Variants in PDGFD observed in about 807,000 individuals in gnomAD.
The protein encoded by PDGFD is platelet derived growth factor D.
Under a neutral mutation model 44.7 loss-of-function variants are expected in PDGFD, and 30 were observed. The observed-to-expected ratio is 0.67, with a 90% confidence interval of 0.50 to 0.91. The LOEUF is 0.91. Among genes scored for constraint, PDGFD ranks in the 40% least tolerant of loss-of-function variants. PDGFD has a pLI of 0.00. For missense variants in PDGFD, 445 were observed against 457.8 expected, an observed-to-expected ratio of 0.97 and a Z score of 0.25; for synonymous variants, 173 against 168.4, an observed-to-expected ratio of 1.03 and a Z score of -0.21.
intron 1 of PDGFD, among the ~76,000 whole-genome samples, chr11:104,014,798 C>A (rs1036764020): frequency 6.6e-6 from 1 of 152,070 alleles, no homozygotes; most frequent in African/African-American, 2.4e-5. Flanking sequence ...TCCCTGGGAG[C>A]CCATATATTA....
intron 1 of PDGFD, among the ~76,000 whole-genome samples, chr11:104,147,197 T>G (rs1862174956): frequency 1.3e-5 from 2 of 152,152 alleles, no homozygotes; most frequent in Non-Finnish European, 2.9e-5. Flanking sequence ...TGTGCTTGTT[T>G]TGAAAACTAA....
chr11:103,944,190 G>A (rs932826733), intron 4 of PDGFD, among the ~76,000 whole-genome samples: 1 of 152,090 alleles, frequency 6.6e-6, no homozygotes, highest in Non-Finnish European at 1.5e-5. Flanking sequence ...CTTATTTACT[G>A]TCAACAAAGA....
chr11:104,111,262 CTTT>C (rs373944945), intron 1 of PDGFD, among the ~76,000 whole-genome samples: 5 of 119,636 alleles, frequency 4.2e-5, no homozygotes, highest in African/African-American at 9.2e-5. Context: ...ATTATTAATT[CTTT>C]TTTTTTTTTT....
chr11:104,009,827 G>A (rs967433791), intron 1 of PDGFD, among the ~76,000 whole-genome samples: 1 of 152,078 alleles, frequency 6.6e-6, no homozygotes, highest in African/African-American at 2.4e-5. Context: ...AAATCAGCAC[G>A]GAAGCTTTTT....
At chr11:104,093,995 T>A (rs1281628628) in intron 1 of PDGFD, among the ~76,000 whole-genome samples, 1 of 151,764 alleles carries the variant, frequency 6.6e-6, no homozygotes, top group Non-Finnish European at 1.5e-5. Context: ...GCTGCCTGCC[T>A]TATCATTCCA....
chr11:104,141,661 C>A (rs886088359), intron 1 of PDGFD, among the ~76,000 whole-genome samples: 1 of 152,176 alleles, frequency 6.6e-6, no homozygotes, highest in South Asian at 2.1e-4. Context: ...TCCATGTGAG[C>A]CCTAAATGCA....
chr11:103,935,567 GA>G (rs1163493503), intron 5 of PDGFD, among the ~76,000 whole-genome samples: 1 of 152,142 alleles, frequency 6.6e-6, no homozygotes, highest in African/African-American at 2.4e-5. Flanking sequence ...AGATAATTTT[GA>G]AAACTTTTAA....
At chr11:104,024,175 T>C (rs1052417571) in intron 1 of PDGFD, among the ~76,000 whole-genome samples, 1 of 152,182 alleles carries the variant, frequency 6.6e-6, no homozygotes, top group African/African-American at 2.4e-5. Context: ...AAAATAAGTT[T>C]TTATCTCGGG....
At chr11:103,929,094 T>C (rs1021111340) in intron 5 of PDGFD, among the ~76,000 whole-genome samples, 1 of 152,240 alleles carries the variant, frequency 6.6e-6, no homozygotes, top group Non-Finnish European at 1.5e-5. Flanking sequence ...GTCTCTGCTT[T>C]CGTTCAGCCC....
At chr11:104,082,823 G>A (rs1861065703) in intron 1 of PDGFD, among the ~76,000 whole-genome samples, 1 of 151,950 alleles carries the variant, frequency 6.6e-6, no homozygotes, top group Admixed American at 6.6e-5. Context: ...GTAGAGACAG[G>A]GTCCAGGCTA....
intron 1 of PDGFD, chr11:104,036,866 T>C: frequency 6.2e-7 from 1 of 1,614,008 alleles, no homozygotes; most frequent in Non-Finnish European, 8.5e-7. Context: ...CTCTCCGAGG[T>C]CACCTTCTCT....
At chr11:104,042,604 C>T (rs990229548) in intron 1 of PDGFD, among the ~76,000 whole-genome samples, 1 of 152,126 alleles carries the variant, frequency 6.6e-6, no homozygotes, top group African/African-American at 2.4e-5. Context: ...AGATAATTTC[C>T]TCTTATGTTA....
rs147432701 is a variant in PDGFD, at chr11:104,014,906, T to G, written c.125-14651A>C. Among the ~76,000 whole-genome samples, 1,279 of 152,312 alleles carry G rather than the reference T, an allele frequency of 8.4e-3. 12 individuals are homozygous for G. The highest frequency in any genetic ancestry group is 0.029 in the African/African-American group (1,219 of 41,572). On this transcript the variant is annotated intron_variant, in intron 1 of 6. Coordinates refer to ENST00000393158, the MANE Select transcript of PDGFD (RefSeq NM_025208.5). The stretch of plus-strand genomic sequence containing the variant: ...AGTAATTCCTCACTCTATCAGCATT[T>G]ATTGAGATTTTACAGAGTGCCTGTT...
chr11:103,925,663 A>C (rs561341626), intron 6 of PDGFD, among the ~76,000 whole-genome samples: 21 of 134,114 alleles, frequency 1.6e-4, no homozygotes, highest in South Asian at 5.0e-4. Context: ...CTCTCTCTCT[A>C]TGTGTGTGTG....
intron 1 of PDGFD, among the ~76,000 whole-genome samples, chr11:104,102,497 A>C (rs1330770477): frequency 1.3e-5 from 2 of 152,224 alleles, no homozygotes; most frequent in Non-Finnish European, 2.9e-5. Context: ...AAACTAGTTC[A>C]ACCATTGTGG....
intron 1 of PDGFD, among the ~76,000 whole-genome samples, chr11:104,083,408 C>T (rs1226622748): frequency 1.3e-5 from 2 of 152,128 alleles, no homozygotes; most frequent in African/African-American, 4.8e-5. Flanking sequence ...TTTCTGAGGA[C>T]ATCATAAGAA....
At chr11:104,025,048 T>G (rs1183332348) in intron 1 of PDGFD, among the ~76,000 whole-genome samples, 1 of 152,254 alleles carries the variant, frequency 6.6e-6, no homozygotes, top group Non-Finnish European at 1.5e-5. Context: ...AAGAAACTTT[T>G]GCACAGAACT....
intron 3 of PDGFD, among the ~76,000 whole-genome samples, chr11:103,975,541 G>T (rs535049519): frequency 1.3e-5 from 2 of 152,218 alleles, no homozygotes; most frequent in East Asian, 3.9e-4. Context: ...ATTGCTTTTG[G>T]TGTTTTAGTC....
intron 1 of PDGFD, chr11:104,037,080 G>C: frequency 6.2e-7 from 1 of 1,614,236 alleles, no homozygotes; most frequent in Non-Finnish European, 8.5e-7. Flanking sequence ...GGGCTCCAGG[G>C]CGTGCCCCGA....
Sources: gnomAD v4.1 joint callset for allele counts (sites outside exome capture counted in the v4.1 genomes callset) on GRCh38, gnomAD v4.1.1 for gene constraint, MANE v1.5 for transcripts, NCBI Gene and HGNC (gene_info 2026-07-23, HGNC 2026-07-21) for gene names.